Variants in CDH18 observed in about 807,000 individuals in gnomAD.
CDH18 encodes cadherin-18.
Under a neutral mutation model 67.9 loss-of-function variants are expected in CDH18, and 31 were observed. The ratio of observed to expected loss-of-function variants is 0.46; its 90% CI spans 0.34 to 0.62. CDH18 has a LOEUF of 0.62. CDH18 is among the 20% of genes least tolerant of loss of function. The pLI, the probability that CDH18 is intolerant of heterozygous loss-of-function variation, is 0.01. For synonymous variants in CDH18, 362 were observed against 347.2 expected, an observed-to-expected ratio of 1.04 and a Z score of -0.48; for missense variants, 890 against 975.5, an observed-to-expected ratio of 0.91 and a Z score of 1.17.
intron 2 of CDH18, among the ~76,000 whole-genome samples, chr5:20,120,412 T>A (rs1748261717): frequency 6.6e-6 from 1 of 152,144 alleles, no homozygotes; most frequent in African/African-American, 2.4e-5. Context: ...ACTATATTAT[T>A]ATTTCTACTT....
intron 1 of CDH18, among the ~76,000 whole-genome samples, chr5:20,388,845 G>A (rs951757865): frequency 1.3e-5 from 2 of 152,290 alleles, no homozygotes; most frequent in Admixed American, 1.3e-4. Context: ...CAGTTTCCAT[G>A]TATTTGAGCG....
intron 2 of CDH18, among the ~76,000 whole-genome samples, chr5:20,142,764 T>G (rs2126531559): frequency 6.6e-6 from 1 of 152,176 alleles, no homozygotes; most frequent in Admixed American, 6.6e-5. Context: ...CCAGAAGTTT[T>G]GGGTAAATGT....
At chr5:19,602,566 G>A (rs1246940111) in intron 6 of CDH18, among the ~76,000 whole-genome samples, 2 of 152,008 alleles carry the variant, frequency 1.3e-5, no homozygotes, top group African/African-American at 4.8e-5. Flanking sequence ...AGAAGACAAT[G>A]ACTAGTGTTG....
At chr5:19,489,965 T>C (rs930131275) in intron 11 of CDH18, among the ~76,000 whole-genome samples, 7 of 152,132 alleles carry the variant, frequency 4.6e-5, no homozygotes, top group African/African-American at 1.7e-4. Context: ...ACTGCAGAAG[T>C]AGAGATAAGA....
chr5:20,444,474 T>C (rs1309196919), intron 1 of CDH18, among the ~76,000 whole-genome samples: 1 of 151,990 alleles, frequency 6.6e-6, no homozygotes, highest in Non-Finnish European at 1.5e-5. Context: ...GAGGTGGAGG[T>C]TGCAGTGAGC....
At chr5:19,600,584 A>G (rs1746967583) in intron 6 of CDH18, among the ~76,000 whole-genome samples, 1 of 150,334 alleles carries the variant, frequency 6.7e-6, no homozygotes, top group Admixed American at 6.7e-5. Context: ...ACTTGAATTT[A>G]TTTTTCTGTC....
intron 1 of CDH18, among the ~76,000 whole-genome samples, chr5:20,289,709 A>T (rs1309686427): frequency 6.6e-6 from 1 of 151,940 alleles, no homozygotes; most frequent in Non-Finnish European, 1.5e-5. Flanking sequence ...TAAAATATAT[A>T]TTTTAATTGC....
At chr5:20,314,744 C>T (rs1392318084) in intron 1 of CDH18, among the ~76,000 whole-genome samples, 2 of 151,924 alleles carry the variant, frequency 1.3e-5, no homozygotes, top group South Asian at 4.1e-4. Context: ...TCTATATTGA[C>T]GTTTTTATTA....
chr5:19,902,543 T>C (rs1790052556), intron 2 of CDH18, among the ~76,000 whole-genome samples: 1 of 152,280 alleles, frequency 6.6e-6, no homozygotes, highest in South Asian at 2.1e-4. Context: ...TGGAAGTGGA[T>C]ACTCTAGCCC....
At chr5:19,477,324 C>G (rs916279325) in intron 12 of CDH18, among the ~76,000 whole-genome samples, 1 of 151,368 alleles carries the variant, frequency 6.6e-6, no homozygotes, top group Non-Finnish European at 1.5e-5. Context: ...TATTTTCATT[C>G]CTGTTGGTTC....
intron 2 of CDH18, among the ~76,000 whole-genome samples, chr5:19,889,658 G>C (rs1788577757): frequency 1.3e-5 from 2 of 151,954 alleles, no homozygotes; most frequent in Admixed American, 1.3e-4. Context: ...TTTTCCTTAA[G>C]GGAAGGTTTT....
chr5:20,571,332 C>A (rs897295934), intron 1 of CDH18, among the ~76,000 whole-genome samples: 1 of 152,080 alleles, frequency 6.6e-6, no homozygotes, highest in Non-Finnish European at 1.5e-5. Flanking sequence ...TTTAGCCCAT[C>A]TCCATTTCTG....
At chr5:19,907,161 A>C (rs1265248611) in intron 2 of CDH18, among the ~76,000 whole-genome samples, 1 of 152,004 alleles carries the variant, frequency 6.6e-6, no homozygotes, top group Non-Finnish European at 1.5e-5. Context: ...GTAATGCAAG[A>C]CATTGCCATA....
At chr5:19,852,681 T>C (rs893583244) in intron 2 of CDH18, among the ~76,000 whole-genome samples, 8 of 152,016 alleles carry the variant, frequency 5.3e-5, no homozygotes, top group African/African-American at 1.9e-4. Context: ...AGGCTGCAAA[T>C]ATTCCCTTTT....
At chr5:19,673,638 A>C (rs1305045324) in intron 5 of CDH18, among the ~76,000 whole-genome samples, 1 of 151,866 alleles carries the variant, frequency 6.6e-6, no homozygotes, top group Non-Finnish European at 1.5e-5. Context: ...AAATCAAGTA[A>C]CTTCAACCAG....
intron 1 of CDH18, among the ~76,000 whole-genome samples, chr5:20,333,528 T>TATACAC (rs1554119394): frequency 6.7e-4 from 92 of 136,844 alleles, no homozygotes; most frequent in African/African-American, 2.4e-3. Context: ...ACAATATATA[T>TATACAC]ACACACACAC....
chr5:20,339,468 G>A (rs886414597), intron 1 of CDH18, among the ~76,000 whole-genome samples: 1 of 152,074 alleles, frequency 6.6e-6, no homozygotes, highest in Non-Finnish European at 1.5e-5. Context: ...CAGTTGTATT[G>A]TGAGAGGAGC....
chr5:20,303,574 G>A (rs549874335), intron 1 of CDH18, among the ~76,000 whole-genome samples: 136 of 152,120 alleles, frequency 8.9e-4, no homozygotes, highest in Non-Finnish European at 1.7e-3. Context: ...TCGCAGCCCG[G>A]TTCATTTGGT....
chr5:19,567,585 G>GT (rs1740650171), intron 8 of CDH18, among the ~76,000 whole-genome samples: 1 of 152,018 alleles, frequency 6.6e-6, no homozygotes, highest in Non-Finnish European at 1.5e-5. Flanking sequence ...AATGTTTTCT[G>GT]TTTTTTTATT....
Sources: gnomAD v4.1 joint callset for allele counts (sites outside exome capture counted in the v4.1 genomes callset) on GRCh38, gnomAD v4.1.1 for gene constraint, MANE v1.5 for transcripts, NCBI Gene and HGNC (gene_info 2026-07-23, HGNC 2026-07-21) for gene names.